COL21A1: variants seen among roughly 807,000 people sequenced by gnomAD.
COL21A1 encodes collagen alpha-1(XXI) chain.
A neutral mutation model predicts 137.9 loss-of-function variants in COL21A1; 149 were observed. The ratio of observed to expected loss-of-function variants is 1.08; its 90% CI spans 0.95 to 1.24. The LOEUF (loss-of-function observed/expected upper bound fraction) is 1.24. Ranked by LOEUF, COL21A1 falls within the 50% of genes most tolerant of loss-of-function variation. COL21A1 has a pLI of 0.00. For missense variants in COL21A1, 1,167 were observed against 1,158.4 expected (o/e 1.01, Z -0.11); for synonymous variants, 456 against 391.5 (o/e 1.16, Z -1.95).
intron 1 of COL21A1, among the ~76,000 whole-genome samples, chr6:56,284,838 A>T (rs1193514788): frequency 6.6e-6 from 1 of 152,068 alleles, no homozygotes; most frequent in Non-Finnish European, 1.5e-5. Flanking sequence ...TTTCTCCAAA[A>T]TGTGCTTTGC....
Position 56,109,072 on chromosome 6 carries a change from C to G in COL21A1, c.1759-7547G>C, listed in dbSNP as rs9475562. On this transcript the variant is annotated intron_variant, in intron 16 of 29. Transcript: ENST00000244728. ...CAGAATCAAGGGGATACAACTCAAA[C>G]AAAGATGAGAAAAATATTCAGTTTA... Among the ~76,000 whole-genome samples the G allele has an allele frequency of 7.6e-3, 1,141 of 150,576 alleles. 18 individuals carry two copies. The highest frequency in any genetic ancestry group is 0.026 in the African/African-American group (1,079 of 41,158).
chr6:56,238,663 A>T (rs1369758545), intron 1 of COL21A1, among the ~76,000 whole-genome samples: 1 of 151,990 alleles, frequency 6.6e-6, no homozygotes, highest in African/African-American at 2.4e-5. Context: ...CTGCCCTGCC[A>T]CCTTCAGCAG....
chr6:56,321,650 A>G (rs1764871259), intron 1 of COL21A1, among the ~76,000 whole-genome samples: 1 of 152,216 alleles, frequency 6.6e-6, no homozygotes, highest in Non-Finnish European at 1.5e-5. Flanking sequence ...CATTCGGCCC[A>G]GAAACTGCTA....
intron 23 of COL21A1, among the ~76,000 whole-genome samples, chr6:56,065,982 A>G (rs893144691): frequency 6.6e-6 from 1 of 151,948 alleles, no homozygotes; most frequent in African/African-American, 2.4e-5. Flanking sequence ...GAAGGTGTCA[A>G]GTTCAAGAGA....
At chr6:56,329,010 C>T (rs1765162721) in intron 1 of COL21A1, among the ~76,000 whole-genome samples, 1 of 152,054 alleles carries the variant, frequency 6.6e-6, no homozygotes, top group South Asian at 2.1e-4. Context: ...AGCCTGGATT[C>T]AAATCCCAAC....
At chr6:56,352,309 CAT>C (rs1765726517) in intron 1 of COL21A1, among the ~76,000 whole-genome samples, 1 of 152,054 alleles carries the variant, frequency 6.6e-6, no homozygotes, top group Non-Finnish European at 1.5e-5. Context: ...GTGTAGTCCA[CAT>C]AGTCGGTCTT....
At chr6:56,098,922 A>G (rs1770157142) in intron 17 of COL21A1, among the ~76,000 whole-genome samples, 1 of 149,802 alleles carries the variant, frequency 6.7e-6, no homozygotes, top group Non-Finnish European at 1.5e-5. Flanking sequence ...TCACCGTGTT[A>G]GCCAGGATGG....
chr6:56,269,631 G>A (rs1210015870), intron 1 of COL21A1, among the ~76,000 whole-genome samples: 2 of 140,900 alleles, frequency 1.4e-5, no homozygotes, highest in African/African-American at 5.2e-5. Context: ...CTCCAGCCTG[G>A]GCGACAGAGC....
At chr6:56,362,445 T>C (rs1431851298) in intron 1 of COL21A1, among the ~76,000 whole-genome samples, 2 of 152,210 alleles carry the variant, frequency 1.3e-5, no homozygotes, top group East Asian at 1.9e-4. Flanking sequence ...CCCTGATTTA[T>C]AAATAGACCA....
intron 1 of COL21A1, among the ~76,000 whole-genome samples, chr6:56,235,490 G>A (rs900691114): frequency 9.9e-5 from 15 of 151,908 alleles, no homozygotes; most frequent in African/African-American, 3.6e-4. Context: ...TGCAGTGCTT[G>A]CTAAGTGTCA....
chr6:56,186,597 G>A (rs1344426227), intron 1 of COL21A1, among the ~76,000 whole-genome samples: 1 of 152,106 alleles, frequency 6.6e-6, no homozygotes, highest in African/African-American at 2.4e-5. Context: ...AATCTACATA[G>A]AAAGTGGAAT....
At chr6:56,098,940 C>T (rs1015130336) in intron 17 of COL21A1, among the ~76,000 whole-genome samples, 3 of 150,266 alleles carry the variant, frequency 2.0e-5, no homozygotes, top group African/African-American at 7.3e-5. Context: ...TGGTCTCAAT[C>T]TCCTGCCCTC....
chr6:56,360,420 A>C (rs1037999113), intron 1 of COL21A1, among the ~76,000 whole-genome samples: 2 of 152,202 alleles, frequency 1.3e-5, no homozygotes. Flanking sequence ...ATTAAATATG[A>C]GAAGAGTCTA....
chr6:56,116,299 A>G (rs941402852), intron 16 of COL21A1, among the ~76,000 whole-genome samples: 3 of 151,046 alleles, frequency 2.0e-5, no homozygotes, highest in African/African-American at 7.3e-5. Context: ...ATAACATACA[A>G]TGGAGCTCCA....
At chr6:56,216,479 A>G (rs916229486) in intron 1 of COL21A1, among the ~76,000 whole-genome samples, 1 of 152,028 alleles carries the variant, frequency 6.6e-6, no homozygotes, top group Non-Finnish European at 1.5e-5. Flanking sequence ...TTAAAGCCCA[A>G]TTCATACTAG....
intron 17 of COL21A1, among the ~76,000 whole-genome samples, chr6:56,095,136 A>T (rs1438975583): frequency 6.6e-6 from 1 of 152,114 alleles, no homozygotes; most frequent in Non-Finnish European, 1.5e-5. Flanking sequence ...TTACAAGCCT[A>T]TTATTTTCTA....
At chr6:56,302,618 T>G (rs1764328844) in intron 1 of COL21A1, among the ~76,000 whole-genome samples, 1 of 152,222 alleles carries the variant, frequency 6.6e-6, no homozygotes, top group African/African-American at 2.4e-5. Flanking sequence ...CATTGTAGAT[T>G]CTGGATATTA....
rs1258564310 is a variant in COL21A1, at chr6:56,129,675, C to CAT, written c.1543-3527_1543-3526insAT. ...TGTTGCTTCCTCTGTCACGTGCGTGCGTGTGTGTGTGTGTGTGTGTGTGTG... is the reference window on the plus strand; with the variant it reads ...TGTTGCTTCCTCTGTCACGTGCGTGCATGTGTGTGTGTGTGTGTGTGTGTGTG... On this transcript the variant is annotated intron_variant, in intron 12 of 29. Transcript: ENST00000244728. Among the ~76,000 whole-genome samples, 624 of 136,510 alleles carry CAT rather than the reference C, an allele frequency of 4.6e-3. 4 individuals carry two copies. The highest frequency in any genetic ancestry group is 0.017 in the African/African-American group (590 of 34,764). 89.6% of individuals were successfully genotyped at this position (136,510 alleles called of 152,430 possible). A position where few individuals can be genotyped will look rare whatever the true frequency, so the allele number is the denominator to read the frequency against.
chr6:56,179,563 C>T lies in COL21A1; in HGVS notation c.640+15G>A, dbSNP rs759782428. The T allele has an allele frequency of 3.8e-6, 6 of 1,577,118 alleles. No homozygotes were observed. Among genetic ancestry groups the T allele is most frequent in the South Asian group, 1.2e-5 (1 of 86,130 alleles). On this transcript the variant is annotated intron_variant, in intron 3 of 29. Transcript: ENST00000244728. ...TAATTGCTTCCAAATTATATTAAGG[C>T]ATTTTAAGGCTTACCTTCACAAAGT...
Sources: allele counts gnomAD v4.1 joint callset (sites outside exome capture counted in the v4.1 genomes callset), GRCh38; gene constraint gnomAD v4.1.1; transcripts MANE v1.5; gene names NCBI Gene and HGNC (gene_info 2026-07-23, HGNC 2026-07-21).